The following GPC6 variants were observed in gnomAD, a reference collection of about 807,000 sequenced individuals.
GPC6 encodes glypican-6.
GPC6 carries 14 observed loss-of-function variants against 55.2 expected under a neutral mutation model. The ratio of observed to expected loss-of-function variants is 0.25; its 90% CI spans 0.17 to 0.40. The LOEUF is 0.40. Among genes scored for constraint, GPC6 ranks in the 10% least tolerant of loss-of-function variants. GPC6 has a pLI of 1.00. For missense variants in GPC6, 641 were observed against 708.5 expected, an observed-to-expected ratio of 0.90 and a Z score of 1.08; for synonymous variants, 278 against 259.6, an observed-to-expected ratio of 1.07 and a Z score of -0.68.
At chr13:93,865,123 G>A (rs766760577) in intron 3 of GPC6, among the ~76,000 whole-genome samples, 1 of 151,606 alleles carries the variant, frequency 6.6e-6, no homozygotes, top group African/African-American at 2.4e-5. Flanking sequence ...TGTTTTAGAA[G>A]ATATGGTTTG....
chr13:93,245,627 C>T (rs1041466559), intron 1 of GPC6, among the ~76,000 whole-genome samples: 2 of 152,152 alleles, frequency 1.3e-5, no homozygotes, highest in Non-Finnish European at 2.9e-5. Context: ...GTCTCTGGGG[C>T]TCATACTCTG....
intron 2 of GPC6, among the ~76,000 whole-genome samples, chr13:93,556,994 C>T (rs1386254909): frequency 1.3e-5 from 2 of 151,988 alleles, no homozygotes; most frequent in Non-Finnish European, 2.9e-5. Context: ...TATAATTTAA[C>T]TTTAATGTGT....
chr13:93,656,725 T>G (rs2139606462), intron 2 of GPC6, among the ~76,000 whole-genome samples: 2 of 152,210 alleles, frequency 1.3e-5, no homozygotes, highest in South Asian at 4.1e-4. Context: ...AAAAAATCAT[T>G]TTTTGTGATT....
At chr13:93,843,924 A>T (rs1888059205) in intron 3 of GPC6, among the ~76,000 whole-genome samples, 1 of 152,204 alleles carries the variant, frequency 6.6e-6, no homozygotes, top group African/African-American at 2.4e-5. Flanking sequence ...GTGTAATCCA[A>T]ATAAGCCATG....
intron 2 of GPC6, among the ~76,000 whole-genome samples, chr13:93,749,678 C>A (rs1884511891): frequency 6.6e-6 from 1 of 151,522 alleles, no homozygotes; most frequent in Admixed American, 6.6e-5. Context: ...TAATTAAAAG[C>A]AATAATAGTA....
At chr13:93,774,402 A>G (rs9301907) in intron 2 of GPC6, among the ~76,000 whole-genome samples, 34,799 of 152,112 alleles carry the variant, frequency 0.23, 4,224 homozygotes, top group Admixed American at 0.26. Context: ...TAGGGACCAT[A>G]TCACAAAGTA....
chr13:94,371,840 T>C (rs1879557528), intron 6 of GPC6, among the ~76,000 whole-genome samples: 1 of 152,216 alleles, frequency 6.6e-6, no homozygotes, highest in African/African-American at 2.4e-5. Context: ...AGTGACACAT[T>C]ATCCCTAAGT....
chr13:93,279,592 A>G (rs1877876560), intron 1 of GPC6, among the ~76,000 whole-genome samples: 1 of 152,208 alleles, frequency 6.6e-6, no homozygotes, highest in Admixed American at 6.5e-5. Flanking sequence ...TTTGAAAAAT[A>G]TCCTCTAGGT....
intron 2 of GPC6, among the ~76,000 whole-genome samples, chr13:93,690,952 A>C (rs1882236114): frequency 6.6e-6 from 1 of 151,980 alleles, no homozygotes; most frequent in East Asian, 1.9e-4. Flanking sequence ...GCCAATCCTC[A>C]CTATGCTGGA....
At chr13:93,453,883 G>A (rs1211023065) in intron 1 of GPC6, among the ~76,000 whole-genome samples, 3 of 152,064 alleles carry the variant, frequency 2.0e-5, no homozygotes, top group Non-Finnish European at 4.4e-5. Flanking sequence ...GTGTGGAAGG[G>A]GACCTGAGCG....
intron 4 of GPC6, among the ~76,000 whole-genome samples, chr13:94,244,337 G>C (rs1891137758): frequency 6.6e-6 from 1 of 152,156 alleles, no homozygotes; most frequent in African/African-American, 2.4e-5. Context: ...CATTGTCACT[G>C]GTTGGCTCCT....
intron 6 of GPC6, among the ~76,000 whole-genome samples, chr13:94,353,885 G>A (rs1878669363): frequency 6.6e-6 from 1 of 152,112 alleles, no homozygotes; most frequent in African/African-American, 2.4e-5. Context: ...CTTCCAAAAA[G>A]TGGTACTCAG....
intron 1 of GPC6, among the ~76,000 whole-genome samples, chr13:93,473,360 T>G (rs1879193416): frequency 6.6e-6 from 1 of 152,144 alleles, no homozygotes; most frequent in Non-Finnish European, 1.5e-5. Flanking sequence ...GTGTCAGCAC[T>G]GCTGGAGCGT....
At chr13:94,272,511 C>T (rs2139066100) in intron 4 of GPC6, among the ~76,000 whole-genome samples, 1 of 136,180 alleles carries the variant, frequency 7.3e-6, no homozygotes, top group South Asian at 2.3e-4. Flanking sequence ...CTCTGTTGCC[C>T]AGGCTGGAGT....
intron 2 of GPC6, among the ~76,000 whole-genome samples, chr13:93,653,899 G>A (rs1282389572): frequency 1.3e-5 from 2 of 152,104 alleles, no homozygotes; most frequent in South Asian, 2.1e-4. Flanking sequence ...TTGTGAGACA[G>A]TTCTCTAGTC....
chr13:93,543,129 T>C (rs1487436060), intron 1 of GPC6, among the ~76,000 whole-genome samples: 1 of 150,892 alleles, frequency 6.6e-6, no homozygotes, highest in Non-Finnish European at 1.5e-5. Context: ...CTTCCAGTTT[T>C]AGCCCATTCC....
At position 94,041,936 on chromosome 13, in the gene GPC6, G is replaced by A. The variant is rs77355146; in HGVS notation, c.877+14042G>A. Among the ~76,000 whole-genome samples, 837 of 151,832 alleles carry A rather than the reference G, an allele frequency of 5.5e-3. 9 individuals are homozygous for A. Among genetic ancestry groups the A allele is most frequent in the African/African-American group, 0.019 (789 of 41,456 alleles). ...ATTCTAATGTTAACAACATACATAC[G>A]TAACCATATGATATGGTTTGGATTT... On this transcript the variant is annotated intron_variant, in intron 4 of 8. Coordinates refer to ENST00000377047, the MANE Select transcript of GPC6 (RefSeq NM_005708.5).
chr13:93,420,219 T>C (rs1876877249), intron 1 of GPC6, among the ~76,000 whole-genome samples: 1 of 152,198 alleles, frequency 6.6e-6, no homozygotes, highest in African/African-American at 2.4e-5. Flanking sequence ...TTATCCACCC[T>C]AATCAAAGTT....
intron 2 of GPC6, among the ~76,000 whole-genome samples, chr13:93,641,679 G>T (rs1879949762): frequency 6.6e-6 from 1 of 151,988 alleles, no homozygotes; most frequent in Non-Finnish European, 1.5e-5. Context: ...AAGTCCCATG[G>T]GAGTGGCTCT....
Sources: allele counts gnomAD v4.1 joint callset (sites outside exome capture counted in the v4.1 genomes callset), GRCh38; gene constraint gnomAD v4.1.1; transcripts MANE v1.5; gene names NCBI Gene and HGNC (gene_info 2026-07-23, HGNC 2026-07-21).